SIRT1: variants seen among roughly 807,000 people sequenced by gnomAD.
SIRT1 encodes the protein sirtuin 1.
Under a neutral mutation model 67.9 loss-of-function variants are expected in SIRT1, and 24 were observed. The ratio of observed to expected loss-of-function variants is 0.35; its 90% CI spans 0.26 to 0.50. The LOEUF is 0.50. Among genes scored for constraint, SIRT1 ranks in the 20% least tolerant of loss-of-function variants. The pLI, the probability that SIRT1 is intolerant of heterozygous loss-of-function variation, is 0.98. For synonymous variants in SIRT1, 378 were observed against 350.7 expected (o/e 1.08, Z -0.87); for missense variants, 873 against 937.2 (o/e 0.93, Z 0.89).
intron 1 of SIRT1, among the ~76,000 whole-genome samples, chr10:67,885,714 G>A (rs1188011885): frequency 2.0e-5 from 3 of 152,026 alleles, no homozygotes; most frequent in Admixed American, 2.0e-4. Context: ...AAAGAACGTG[G>A]CTGTTCCTGA....
intron 4 of SIRT1, among the ~76,000 whole-genome samples, chr10:67,901,301 T>C (rs1226057555): frequency 6.6e-6 from 1 of 152,094 alleles, no homozygotes; most frequent in African/African-American, 2.4e-5. Context: ...CCCGGCTATT[T>C]TTTTTTGTAT....
chr10:67,903,972 C>G (rs549362302), intron 4 of SIRT1, among the ~76,000 whole-genome samples: 4 of 152,224 alleles, frequency 2.6e-5, no homozygotes, highest in South Asian at 4.2e-4. Context: ...GTCACACTTT[C>G]ACCATGGAAG....
In SIRT1 at chr10:67,884,944, C is replaced by T; in HGVS notation, c.223C>T (p.Leu75=). ...CTGCCCGGGTGCGGCGGCGGCGGCG[C>T]TGTGGCGGGAGGCGGAGGCAGAGGC... ...RGCPGAAAAA[L]WREAEAEAAA... Residue 75 remains leucine (L), a synonymous_variant, in exon 1 of 9, where the codon CTG becomes TTG. Coordinates refer to ENST00000212015, the MANE Select transcript of SIRT1 (RefSeq NM_012238.5). The T allele has an allele frequency of 8.0e-7, 1 of 1,247,230 alleles. No individual in the cohort carries two copies. Among genetic ancestry groups the T allele is most frequent in the Non-Finnish European group, 1.0e-6 (1 of 996,038 alleles). The allele number at this position is 1,247,230 out of a possible 1,614,324, so 77.3% of individuals were successfully genotyped here.
At chr10:67,885,519 TCTC>T (rs768838035) in intron 1 of SIRT1, 132 of 675,080 alleles carry the variant, frequency 2.0e-4, no homozygotes, top group Non-Finnish European at 2.4e-4. Flanking sequence ...TCATTGCTTT[TCTC>T]CTCTACCCCC....
At chr10:67,910,093 A>G (rs150152676) in intron 7 of SIRT1, among the ~76,000 whole-genome samples, 63 of 152,028 alleles carry the variant, frequency 4.1e-4, no homozygotes, top group African/African-American at 1.1e-3. Flanking sequence ...GTCAAAACGC[A>G]AGTAATGTTG....
Position 67,884,735 on chromosome 10 carries a change from C to G in SIRT1, c.14C>G (p.Ala5Gly). 1 of 1,228,742 alleles carries G rather than the reference C, an allele frequency of 8.1e-7. No homozygotes were observed. The highest frequency in any genetic ancestry group is 1.0e-6 in the Non-Finnish European group (1 of 986,000). 76.1% of individuals were successfully genotyped at this position (1,228,742 alleles called of 1,614,324 possible). ...GGCAGTTGGAAGATGGCGGACGAGG[C>G]GGCCCTCGCCCTTCAGCCCGGCGGC... MADEAALALQPGGSP... is the reference protein window; with the variant it reads MADEGALALQPGGSP... Residue 5 changes from alanine to glycine, a missense_variant, in exon 1 of 9, where the codon GCG becomes GGG. By Grantham distance (60) the Ala-to-Gly change is moderately conservative. Around this residue, in one of 3 missense-constraint regions of SIRT1, gnomAD observed 327 missense variants for 283.9 expected, o/e 1.15. Coordinates refer to ENST00000212015, the MANE Select transcript of SIRT1 (RefSeq NM_012238.5).
rs1317182987 is a variant in SIRT1, at chr10:67,904,130, T to G, written c.943-2660T>G. On this transcript the variant is annotated intron_variant, in intron 4 of 8. Coordinates refer to ENST00000212015, the MANE Select transcript of SIRT1 (RefSeq NM_012238.5). Reference sequence around the variant, plus strand: ...GATTTTTTAGTTTTTTTTGTTTGTTTTTTTTTTTTTTTTTTTTAAAGGCTC... The same window carrying G: ...GATTTTTTAGTTTTTTTTGTTTGTTGTTTTTTTTTTTTTTTTTAAAGGCTC... Among the ~76,000 whole-genome samples the G allele has an allele frequency of 4.0e-4, 57 of 143,182 alleles. 1 individual carries two copies. The highest frequency in any genetic ancestry group is 3.1e-3 in the South Asian group (14 of 4,494). The allele number at this position is 143,182 out of a possible 152,430, so 93.9% of individuals were successfully genotyped here. A position where few individuals can be genotyped will look rare whatever the true frequency, so the allele number is the denominator to read the frequency against.
intron 4 of SIRT1, among the ~76,000 whole-genome samples, chr10:67,893,917 C>T (rs370157323): frequency 4.6e-5 from 7 of 152,284 alleles, no homozygotes; most frequent in African/African-American, 1.7e-4. Context: ...ATTTACATGA[C>T]TACAGGAGAA....
intron 7 of SIRT1, among the ~76,000 whole-genome samples, chr10:67,910,761 C>T (rs966694213): frequency 2.0e-5 from 3 of 152,082 alleles, no homozygotes; most frequent in Non-Finnish European, 4.4e-5. Flanking sequence ...AATTTAAATC[C>T]TTATTACTCT....
chr10:67,888,374 T>A (rs1842519071), intron 2 of SIRT1, among the ~76,000 whole-genome samples: 1 of 152,162 alleles, frequency 6.6e-6, no homozygotes, highest in Non-Finnish European at 1.5e-5. Flanking sequence ...TAAAAGAAAA[T>A]GATTAGTTCT....
chr10:67,908,162 C>A, intron 6 of SIRT1, 37 bp downstream of exon 6: 1 of 1,540,022 alleles, frequency 6.5e-7, no homozygotes, highest in Non-Finnish European at 9.0e-7. Context: ...TTGTTCATGT[C>A]TCTGAAGTAT....
intron 4 of SIRT1, among the ~76,000 whole-genome samples, chr10:67,900,568 C>T (rs767938925): frequency 6.6e-6 from 1 of 152,186 alleles, no homozygotes; most frequent in East Asian, 1.9e-4. Context: ...TCTCAGCCTC[C>T]CAAGTAGCTA....
chr10:67,904,742 G>A (rs1422489585), intron 4 of SIRT1, among the ~76,000 whole-genome samples: 1 of 151,930 alleles, frequency 6.6e-6, no homozygotes, highest in Non-Finnish European at 1.5e-5. Context: ...TATTCAGGAA[G>A]CTGAGGCAGG....
At chr10:67,891,265 G>C (rs1462618883) in intron 3 of SIRT1, 137 bp from the exon 4 acceptor site, 2 of 669,546 alleles carry the variant, frequency 3.0e-6, no homozygotes, top group African/African-American at 3.6e-5. Flanking sequence ...GGGTAGGGTT[G>C]TATTTTTATT....
intron 3 of SIRT1, among the ~76,000 whole-genome samples, 181 bp downstream of exon 3, chr10:67,889,304 C>A (rs1842532981): frequency 6.6e-6 from 1 of 152,166 alleles, no homozygotes; most frequent in African/African-American, 2.4e-5. Context: ...ACCTCTCCAG[C>A]CTTAAAAAAA....
At chr10:67,907,748 C>A (rs925910693) in intron 5 of SIRT1, among the ~76,000 whole-genome samples, 2 of 151,994 alleles carry the variant, frequency 1.3e-5, no homozygotes, top group Non-Finnish European at 2.9e-5. Flanking sequence ...GAGGAGTGAG[C>A]TGTTACAGTT....
At chr10:67,899,355 G>A (rs996800760) in intron 4 of SIRT1, among the ~76,000 whole-genome samples, 7 of 149,564 alleles carry the variant, frequency 4.7e-5, no homozygotes, top group Admixed American at 2.0e-4. Flanking sequence ...TTTGAGACAG[G>A]GCCTGTCTCT....
chr10:67,885,941 CTT>C (rs766544980), intron 1 of SIRT1, among the ~76,000 whole-genome samples: 4,075 of 95,154 alleles, frequency 0.043, 33 homozygotes, highest in South Asian at 0.09. Context: ...TTGAAGGTTT[CTT>C]TTTTTTTTTT....
rs781524172 is a variant in SIRT1 at position 67,909,285 on chromosome 10, T to G, written c.1200T>G (p.Ala400=). 5.6e-6 allele frequency: 9 copies of G among 1,611,000 alleles called. No homozygotes were observed. The South Asian group carries it at 8.8e-5, about 16-fold the overall frequency. Residue 400 remains alanine, a synonymous_variant, in exon 7 of 9, where the codon GCT becomes GCG. Coordinates refer to ENST00000212015, the MANE Select transcript of SIRT1 (RefSeq NM_012238.5). ...TTCCTCGATGTCCTAGGTGCCCAGCTGATGAACCGCTTGCTATCATGAAAC... is the reference window on the plus strand; with the variant it reads ...TTCCTCGATGTCCTAGGTGCCCAGCGGATGAACCGCTTGCTATCATGAAAC... ...QVVPRCPRCP[A]DEPLAIMKPE... is the part of the protein sequence containing the mutation.
Sources: gnomAD v4.1 joint callset for allele counts (sites outside exome capture counted in the v4.1 genomes callset) on GRCh38, gnomAD v4.1.1 for gene constraint, gnomAD v4.1.1 regional missense constraint, MANE v1.5 for transcripts, NCBI Gene and HGNC (gene_info 2026-07-23, HGNC 2026-07-21) for gene names.